The following ATP6V0D2 variants were observed in gnomAD, a reference collection of about 807,000 sequenced individuals.
ATP6V0D2 encodes the protein ATPase H+ transporting V0 subunit d2, also known as V-type proton ATPase subunit d 2.
Under a neutral mutation model 40.0 loss-of-function variants are expected in ATP6V0D2, and 40 were observed. The observed-to-expected ratio is 1.00, with a 90% CI of 0.78 to 1.30. ATP6V0D2 has a LOEUF of 1.30. Ranked by LOEUF, ATP6V0D2 falls within the 50% of genes most tolerant of loss-of-function variation. ATP6V0D2 has a pLI of 0.00. For missense variants in ATP6V0D2, 470 were observed against 423.1 expected (o/e 1.11, Z -0.97); for synonymous variants, 179 against 156.3 (o/e 1.15, Z -1.08).
chr8:86,113,285 C>A (rs890669445), intron 1 of ATP6V0D2, among the ~76,000 whole-genome samples: 1 of 152,028 alleles, frequency 6.6e-6, no homozygotes, highest in Non-Finnish European at 1.5e-5. Context: ...TCGAGACCAG[C>A]CTGGCCAACA....
chr8:86,101,615 T>G (rs1818400531), intron 1 of ATP6V0D2, among the ~76,000 whole-genome samples: 1 of 151,888 alleles, frequency 6.6e-6, no homozygotes, highest in African/African-American at 2.4e-5. Context: ...GAAATGAGAT[T>G]AACAGATCTA....
intron 2 of ATP6V0D2, among the ~76,000 whole-genome samples, chr8:86,118,473 G>A (rs1219544665): frequency 6.6e-6 from 1 of 152,072 alleles, no homozygotes; most frequent in Non-Finnish European, 1.5e-5. Flanking sequence ...AACCCAAAAT[G>A]TAAAAGAGAT....
chr8:86,127,269 G>C, intron 2 of ATP6V0D2, among the ~76,000 whole-genome samples: 1 of 152,102 alleles, frequency 6.6e-6, no homozygotes, highest in Non-Finnish European at 1.5e-5. Context: ...CAAATCCACA[G>C]TATAACAAAA....
chr8:86,123,811 A>T (rs538019047), intron 2 of ATP6V0D2, among the ~76,000 whole-genome samples: 2 of 152,166 alleles, frequency 1.3e-5, no homozygotes, highest in South Asian at 4.1e-4. Context: ...ATATGCCTAT[A>T]CTCTTTTTCT....
rs561421454 is a variant in ATP6V0D2, at chr8:86,142,750, A to G, written c.562-127A>G. Reference sequence around the variant, plus strand: ...GCTTCTACCAAATTTATTATAAAATATCTTCCTATGGGAGATGTAATTCAG... The same window carrying G: ...GCTTCTACCAAATTTATTATAAAATGTCTTCCTATGGGAGATGTAATTCAG... On this transcript the variant is annotated intron_variant, in intron 4 of 7. Coordinates refer to ENST00000285393, the MANE Select transcript of ATP6V0D2 (RefSeq NM_152565.1). The G allele has an allele frequency of 2.1e-3, 1,121 of 537,350 alleles. 6 individuals are homozygous for G. Among genetic ancestry groups the G allele is most frequent in the Non-Finnish European group, 3.2e-3 (1,006 of 313,928 alleles). 33.3% of individuals were successfully genotyped at this position (537,350 alleles called of 1,614,324 possible).
intron 2 of ATP6V0D2, among the ~76,000 whole-genome samples, chr8:86,134,811 G>A (rs1399648808): frequency 2.0e-5 from 3 of 152,238 alleles, no homozygotes. Flanking sequence ...ATACACTGTG[G>A]TATATCAATA....
chr8:86,134,246 A>C (rs1294152645), intron 2 of ATP6V0D2, among the ~76,000 whole-genome samples: 1 of 152,204 alleles, frequency 6.6e-6, no homozygotes, highest in Non-Finnish European at 1.5e-5. Context: ...GGGGAAATCA[A>C]GGCATTCTAA....
chr8:86,138,937 C>T (rs1033696756), intron 2 of ATP6V0D2, among the ~76,000 whole-genome samples: 3 of 152,182 alleles, frequency 2.0e-5, no homozygotes, highest in Non-Finnish European at 4.4e-5. Flanking sequence ...TATGCTTTTT[C>T]ATGGCCAGGT....
intron 2 of ATP6V0D2, among the ~76,000 whole-genome samples, chr8:86,137,181 T>C (rs1818909976): frequency 6.6e-6 from 1 of 152,146 alleles, no homozygotes; most frequent in Non-Finnish European, 1.5e-5. Flanking sequence ...CCCTTTCCCT[T>C]GCACAGACAC....
At chr8:86,134,431 T>C (rs1818869164) in intron 2 of ATP6V0D2, among the ~76,000 whole-genome samples, 1 of 152,194 alleles carries the variant, frequency 6.6e-6, no homozygotes, top group Non-Finnish European at 1.5e-5. Flanking sequence ...CCCTTTCTCC[T>C]CTTGAGTTTT....
At chr8:86,106,997 C>A (rs1818477141) in intron 1 of ATP6V0D2, among the ~76,000 whole-genome samples, 1 of 149,714 alleles carries the variant, frequency 6.7e-6, no homozygotes, top group Admixed American at 6.7e-5. Context: ...GATTATGCCA[C>A]CGTACTTTAG....
chr8:86,110,341 C>T (rs1188338382), intron 1 of ATP6V0D2, among the ~76,000 whole-genome samples: 1 of 152,166 alleles, frequency 6.6e-6, no homozygotes, highest in Non-Finnish European at 1.5e-5. Flanking sequence ...GTGATCCACC[C>T]GCCTCAGCCT....
At position 86,153,000 on chromosome 8, in the gene ATP6V0D2, A is replaced by G; in HGVS notation, c.*23A>G. 1 of 1,544,810 alleles carries G rather than the reference A, an allele frequency of 6.5e-7. No homozygotes were observed. Among genetic ancestry groups the G allele is most frequent in the Non-Finnish European group, 8.7e-7 (1 of 1,148,668 alleles). On this transcript the variant is annotated 3_prime_UTR_variant, in exon 8 of 8. Coordinates refer to ENST00000285393, the MANE Select transcript of ATP6V0D2 (RefSeq NM_152565.1). ...TAACCCAAGTAAGGTTCTCAAATGT[A>G]GAAAATTATAAATGTTAAAAGGAAG...
chr8:86,134,977 T>C (rs1478683965), intron 2 of ATP6V0D2, among the ~76,000 whole-genome samples: 1 of 148,620 alleles, frequency 6.7e-6, no homozygotes, highest in Admixed American at 6.7e-5. Flanking sequence ...ATTCAGAAAA[T>C]GGCAAAATTA....
chr8:86,153,088 T>A lies in ATP6V0D2; in HGVS notation c.*111T>A. On this transcript the variant is annotated 3_prime_UTR_variant, in exon 8 of 8. Coordinates refer to ENST00000285393, the MANE Select transcript of ATP6V0D2 (RefSeq NM_152565.1). Reference sequence around the variant, plus strand: ...TAGACTACACAAAAGTAAGCCACACTATATCTTCATGAGTTGCAAATCCAT... The same window carrying A: ...TAGACTACACAAAAGTAAGCCACACAATATCTTCATGAGTTGCAAATCCAT... The A allele has an allele frequency of 1.1e-6, 1 of 896,464 alleles. No homozygotes were observed. 55.5% of individuals were successfully genotyped at this position (896,464 alleles called of 1,614,324 possible).
chr8:86,130,486 A>G (rs1469313177), intron 2 of ATP6V0D2, among the ~76,000 whole-genome samples: 1 of 152,210 alleles, frequency 6.6e-6, no homozygotes. Flanking sequence ...ATAATTTTAC[A>G]AAACAGAGTT....
intron 5 of ATP6V0D2, among the ~76,000 whole-genome samples, chr8:86,148,663 G>A (rs1200675448): frequency 6.6e-6 from 1 of 152,114 alleles, no homozygotes; most frequent in Non-Finnish European, 1.5e-5. Flanking sequence ...ATATTGCTTT[G>A]AATAGCAACA....
chr8:86,130,605 A>G (rs1261975507), intron 2 of ATP6V0D2, among the ~76,000 whole-genome samples: 1 of 152,162 alleles, frequency 6.6e-6, no homozygotes, highest in African/African-American at 2.4e-5. Context: ...GGGCAACCAT[A>G]AGACAAATTA....
At chr8:86,140,733 C>T (rs1283136917) in intron 3 of ATP6V0D2, among the ~76,000 whole-genome samples, 2 of 152,124 alleles carry the variant, frequency 1.3e-5, no homozygotes, top group East Asian at 3.9e-4. Flanking sequence ...AGTCCCCAAC[C>T]TTTAGGGCAA....
Sources: gnomAD v4.1 joint callset for allele counts (sites outside exome capture counted in the v4.1 genomes callset) on GRCh38, gnomAD v4.1.1 for gene constraint, MANE v1.5 for transcripts, NCBI Gene and HGNC (gene_info 2026-07-23, HGNC 2026-07-21) for gene names.